Variants in GJA9 observed in about 807,000 individuals in gnomAD.
GJA9 encodes the protein gap junction protein alpha 9.
A neutral mutation model predicts 0.4 loss-of-function variants in GJA9; 1 was observed. That is an observed-to-expected ratio of 2.50 (90% CI 0.89 to 11.88). GJA9 has a LOEUF of 11.88. GJA9 is among the 30% of genes most tolerant of loss of function. The probability of loss-of-function intolerance (pLI) is 0.12; values close to 1 mark genes in which losing one functional copy is unlikely to be tolerated. For synonymous variants in GJA9, 190 were observed against 219.1 expected (o/e 0.87, Z 1.17); for missense variants, 550 against 602.8 (o/e 0.91, Z 0.92).
In GJA9 at chr1:38,875,782, T is replaced by A. The variant is rs779390361; in HGVS notation, c.317A>T (p.Glu106Val). Residue 106 changes from glutamate to valine, a missense_variant, in exon 2 of 2, where the codon GAG (glutamate) becomes GTG (valine). Coordinates refer to ENST00000357771, the MANE Select transcript of GJA9 (RefSeq NM_030772.5). The stretch of plus-strand genomic sequence containing the variant: ...TAACTGAGCTTTCATCCTTTGCCTC[T>A]CTTCCTCAAGAACTCTCAGTCGGTA... ...ALYRLRVLEE[E>V]RQRMKAQLRV... The A allele has an allele frequency of 6.2e-7, 1 of 1,614,150 alleles. No individual in the cohort carries two copies. Among genetic ancestry groups the A allele is most frequent in the Non-Finnish European group, 8.5e-7 (1 of 1,180,062 alleles).
chr1:38,878,891 G>A (rs1425360398), intron 1 of GJA9, among the ~76,000 whole-genome samples: 1 of 151,722 alleles, frequency 6.6e-6, no homozygotes, highest in East Asian at 2.0e-4. Flanking sequence ...GCGCCACCAT[G>A]CCCAGCTAAT....
intron 1 of GJA9, 162 bp from the exon 2 acceptor site, chr1:38,876,355 C>T: frequency 2.2e-6 from 1 of 461,392 alleles, no homozygotes; most frequent in South Asian, 2.9e-5. Context: ...CTCCCTGCAG[C>T]CTCAACCTCC....
intron 1 of GJA9, among the ~76,000 whole-genome samples, chr1:38,879,874 C>T (rs1224901027): frequency 1.3e-5 from 2 of 151,966 alleles, no homozygotes; most frequent in African/African-American, 2.4e-5. Flanking sequence ...ACTACAGGCG[C>T]CTGCCACCAC....
chr1:38,874,658 G>T lies in GJA9; in HGVS notation c.1441C>A (p.Pro481Thr), dbSNP rs1452916733. The change falls in exon 2 of 2, where the codon CCA (proline) becomes ACA (threonine). Residue 481 changes from proline (P) to threonine (T), a missense_variant. Physicochemically the swap from Pro to Thr is conservative, Grantham distance 38. Transcript: ENST00000357771. ...TTATTACAGGTTCTGACCAACCCTG[G>T]CTCAAAGGACAGCCCTCCCAAAGAA... ...ADSLGGLSFE[P>T]GLVRTCNNPV... The T allele has an allele frequency of 6.2e-7, 1 of 1,614,066 alleles. No individual in the cohort carries two copies. Among genetic ancestry groups the T allele is most frequent in the African/African-American group, 1.3e-5 (1 of 74,920 alleles).
Position 38,875,173 on chromosome 1 carries a change from T to G in GJA9, c.926A>C (p.Asn309Thr), listed in dbSNP as rs1201181399. 1.2e-6 allele frequency: 2 copies of G among 1,614,120 alleles called. No individual in the cohort carries two copies. The highest frequency in any genetic ancestry group is 1.7e-6 in the Non-Finnish European group (2 of 1,179,986). The part of the protein sequence containing the change: ...SLNSSSVFQP[N>T]PDNHSVNDEK... ...ATCATTTACACTATGATTGTCAGGATTTGGCTGGAATACAGAAGATGAATT... is the reference window on the plus strand; with the variant it reads ...ATCATTTACACTATGATTGTCAGGAGTTGGCTGGAATACAGAAGATGAATT... Residue 309 changes from asparagine to threonine, a missense_variant, in exon 2 of 2, where the codon AAT becomes ACT. Coordinates refer to ENST00000357771, the MANE Select transcript of GJA9 (RefSeq NM_030772.5).
At position 38,875,632 on chromosome 1, in the gene GJA9, G is replaced by C. The variant is rs773799789; in HGVS notation, c.467C>G (p.Thr156Ser). Residue 156 changes from threonine to serine, a missense_variant, in exon 2 of 2, where the codon ACT (threonine) becomes AGT (serine). Physicochemically the swap from Thr to Ser is moderately conservative, Grantham distance 58. Transcript: ENST00000357771. Reference protein sequence around the residue: ...KAPLRGTLLCTYVIHIFTRSV... With the variant: ...KAPLRGTLLCSYVIHIFTRSV... ...GCGAGTGAAAATGTGTATCACATAAGTGCAAAGCAAGGTTCCTCTGAGTGG... is the reference window on the plus strand; with the variant it reads ...GCGAGTGAAAATGTGTATCACATAACTGCAAAGCAAGGTTCCTCTGAGTGG... 7 of 1,614,220 alleles carry C rather than the reference G, an allele frequency of 4.3e-6. No homozygotes were observed. In the South Asian group the frequency reaches 7.7e-5, roughly 18 times the overall value.
chr1:38,874,993 T>A lies in GJA9; in HGVS notation c.1106A>T (p.Glu369Val), dbSNP rs1474898255. ...GTCTTTGCCTTCAGTTTCTCTTTTTTCCATTAACTGGTTACCATTAAGTTC... is the reference window on the plus strand; with the variant it reads ...GTCTTTGCCTTCAGTTTCTCTTTTTACCATTAACTGGTTACCATTAAGTTC... ...GKELNGNQLM[E>V]KRETEGKDSK... The change falls in exon 2 of 2, where the codon GAA (glutamate) becomes GTA (valine). Residue 369 changes from glutamate to valine, a missense_variant. By Grantham distance (121) the Glu-to-Val change is moderately radical. Transcript: ENST00000357771. 1.3e-5 allele frequency: 21 copies of A among 1,614,118 alleles called. No individual in the cohort carries two copies. The highest frequency in any genetic ancestry group is 1.4e-5 in the Non-Finnish European group (17 of 1,180,056).
rs1405310415 is a variant in GJA9 at position 38,876,176 on chromosome 1, C to G, written c.-78G>C. The G allele has an allele frequency of 8.5e-7, 1 of 1,173,450 alleles. No individual in the cohort carries two copies. The highest frequency in any genetic ancestry group is 1.2e-6 in the Non-Finnish European group (1 of 812,078). The allele number at this position is 1,173,450 out of a possible 1,614,324, so 72.7% of individuals were successfully genotyped here. A position where few individuals can be genotyped will look rare whatever the true frequency, so the allele number is the denominator to read the frequency against. ...AAATTCTTCCATTCTGAAGGGAGCACTATTTCTTAAAGCAAACCTATGGTG... is the reference window on the plus strand; with the variant it reads ...AAATTCTTCCATTCTGAAGGGAGCAGTATTTCTTAAAGCAAACCTATGGTG... On this transcript the variant is annotated 5_prime_UTR_variant, in exon 2 of 2. The change abolishes the stop of an existing upstream ORF in the 5' untranslated region. Coordinates refer to ENST00000357771, the MANE Select transcript of GJA9 (RefSeq NM_030772.5).
At chr1:38,876,854 G>C (rs28675055) in intron 1 of GJA9, among the ~76,000 whole-genome samples, 1 of 151,200 alleles carries the variant, frequency 6.6e-6, no homozygotes, top group Non-Finnish European at 1.5e-5. Flanking sequence ...TTAGCCAGGC[G>C]TGGTGGCAGG....
At chr1:38,877,104 A>T (rs1570898564) in intron 1 of GJA9, among the ~76,000 whole-genome samples, 1 of 144,416 alleles carries the variant, frequency 6.9e-6, no homozygotes, top group South Asian at 2.2e-4. Context: ...CAATGGCATG[A>T]TCTCAGCTCA....
chr1:38,874,575 C>T lies in GJA9; in HGVS notation c.1524G>A (p.Arg508=). 6.2e-7 allele frequency: 1 copy of T among 1,613,922 alleles called. No individual in the cohort carries two copies. Among genetic ancestry groups the T allele is most frequent in the Non-Finnish European group, 8.5e-7 (1 of 1,179,868 alleles). Residue 508 remains arginine (R), a synonymous_variant, in exon 2 of 2, where the codon CGG becomes CGA. Coordinates refer to ENST00000357771, the MANE Select transcript of GJA9 (RefSeq NM_030772.5). ...TTTAGATCTGAAGATCTGTGGGAACCCGCCTACCAATGAGATTGTTCGTTA... is the reference window on the plus strand; with the variant it reads ...TTTAGATCTGAAGATCTGTGGGAACTCGCCTACCAATGAGATTGTTCGTTA... ...VSLTNNLIGR[R]VPTDLQI
chr1:38,877,428 A>T (rs72658070), intron 1 of GJA9, among the ~76,000 whole-genome samples: 23,234 of 152,214 alleles, frequency 0.15, 2,250 homozygotes, highest in Non-Finnish European at 0.22. Context: ...TTGATATAAA[A>T]GTTATAACAA....
chr1:38,877,566 G>A (rs942335719), intron 1 of GJA9, among the ~76,000 whole-genome samples: 6 of 149,550 alleles, frequency 4.0e-5, no homozygotes, highest in Non-Finnish European at 6.0e-5. Context: ...GCGCAATCTC[G>A]GCGCATTGCA....
At chr1:38,880,415 ATAATAAT>A (rs1642674606) in intron 1 of GJA9, among the ~76,000 whole-genome samples, 1 of 34,938 alleles carries the variant, frequency 2.9e-5, no homozygotes, top group Non-Finnish European at 6.1e-5. Context: ...AAAAAAATAA[ATAATAAT>A]AATAATAATA....
intron 1 of GJA9, among the ~76,000 whole-genome samples, chr1:38,879,828 G>T (rs1232449617): frequency 6.6e-6 from 1 of 152,016 alleles, no homozygotes; most frequent in African/African-American, 2.4e-5. Context: ...CCGGGTTCAC[G>T]CCATTCTCCT....
intron 1 of GJA9, among the ~76,000 whole-genome samples, chr1:38,880,124 C>T (rs1355754965): frequency 2.0e-5 from 3 of 150,062 alleles, no homozygotes; most frequent in African/African-American, 7.3e-5. Flanking sequence ...ATACTCTGGC[C>T]GGGCACGGTG....
At chr1:38,878,091 T>TA (rs1553156527) in intron 1 of GJA9, among the ~76,000 whole-genome samples, 6 of 151,156 alleles carry the variant, frequency 4.0e-5, no homozygotes, top group Admixed American at 3.3e-4. Context: ...TTTTTTTTGG[T>TA]GGGGGGAGAC....
chr1:38,877,520 C>A (rs1469681470), intron 1 of GJA9, among the ~76,000 whole-genome samples: 1 of 151,312 alleles, frequency 6.6e-6, no homozygotes. Context: ...TCTTTTGGGA[C>A]AGAGTCTTGC....
chr1:38,880,375 C>A (rs993468155), intron 1 of GJA9, among the ~76,000 whole-genome samples: 1 of 141,286 alleles, frequency 7.1e-6, no homozygotes, highest in African/African-American at 2.5e-5. Context: ...TGCACTCCAG[C>A]CTGGGCGACA....
Sources: gnomAD v4.1 joint callset for allele counts (sites outside exome capture counted in the v4.1 genomes callset) on GRCh38, gnomAD v4.1.1 for gene constraint, MANE v1.5 for transcripts, NCBI Gene and HGNC (gene_info 2026-07-23, HGNC 2026-07-21) for gene names.